The following RIMS4 variants were observed in gnomAD, a reference collection of about 807,000 sequenced individuals.
RIMS4 encodes regulating synaptic membrane exocytosis protein 4.
RIMS4 carries 9 observed loss-of-function variants against 29.0 expected under a neutral mutation model. The ratio of observed to expected loss-of-function variants is 0.31; its 90% CI spans 0.19 to 0.54. RIMS4 has a LOEUF of 0.54. RIMS4 is among the 20% of genes least tolerant of loss of function. RIMS4 has a pLI of 0.94. For synonymous variants in RIMS4, 130 were observed against 152.9 expected (o/e 0.85, Z 1.10); for missense variants, 193 against 365.7 (o/e 0.53, Z 3.85).
intron 1 of RIMS4, among the ~76,000 whole-genome samples, chr20:44,806,763 T>C (rs1482309023): frequency 1.3e-5 from 2 of 152,206 alleles, no homozygotes; most frequent in Non-Finnish European, 2.9e-5. Context: ...TTAAGTCAGA[T>C]TGCCCAAGTT....
intron 2 of RIMS4, among the ~76,000 whole-genome samples, chr20:44,765,610 G>A (rs938181540): frequency 6.6e-6 from 1 of 152,172 alleles, no homozygotes; most frequent in South Asian, 2.1e-4. Context: ...AGTAGAGGTG[G>A]GGAAGAAAAG....
chr20:44,806,504 T>C (rs2066299265), intron 1 of RIMS4, among the ~76,000 whole-genome samples: 2 of 152,220 alleles, frequency 1.3e-5, no homozygotes, highest in Admixed American at 6.5e-5. Context: ...GGCCCAGCTC[T>C]ACCTTAATAA....
chr20:44,775,702 G>C (rs534327797), intron 1 of RIMS4, among the ~76,000 whole-genome samples: 3 of 152,102 alleles, frequency 2.0e-5, no homozygotes, highest in African/African-American at 7.2e-5. Context: ...CTTCATTACT[G>C]CCTCCACACG....
intron 2 of RIMS4, among the ~76,000 whole-genome samples, chr20:44,760,938 C>T (rs1008914819): frequency 2.0e-5 from 3 of 151,904 alleles, no homozygotes; most frequent in Non-Finnish European, 2.9e-5. Context: ...GGGATGTGGG[C>T]GGCAATACAA....
chr20:44,767,901 G>A (rs1470073131), intron 2 of RIMS4, among the ~76,000 whole-genome samples: 1 of 152,198 alleles, frequency 6.6e-6, no homozygotes, highest in Non-Finnish European at 1.5e-5. Flanking sequence ...CCAGCTGGGG[G>A]TCTCATTAAA....
chr20:44,769,056 C>T (rs1386411250), intron 2 of RIMS4, among the ~76,000 whole-genome samples: 1 of 152,142 alleles, frequency 6.6e-6, no homozygotes, highest in Non-Finnish European at 1.5e-5. Flanking sequence ...AAGTAACTTC[C>T]CCAAAGCCAC....
intron 1 of RIMS4, among the ~76,000 whole-genome samples, chr20:44,798,240 A>C (rs1568906567): frequency 6.6e-6 from 1 of 152,262 alleles, no homozygotes; most frequent in Non-Finnish European, 1.5e-5. Context: ...AGCATGAGAT[A>C]CATGTATATA....
intron 1 of RIMS4, among the ~76,000 whole-genome samples, chr20:44,787,029 A>G (rs2066211506): frequency 6.6e-6 from 1 of 152,238 alleles, no homozygotes; most frequent in Non-Finnish European, 1.5e-5. Flanking sequence ...ATACAGAAAG[A>G]TAGAGAGGAT....
At chr20:44,784,073 G>A (rs1295138268) in intron 1 of RIMS4, among the ~76,000 whole-genome samples, 2 of 152,172 alleles carry the variant, frequency 1.3e-5, no homozygotes, top group Non-Finnish European at 2.9e-5. Context: ...CCCCAAGAGG[G>A]TCAAGGAGCC....
At chr20:44,786,131 T>C (rs1388665586) in intron 1 of RIMS4, among the ~76,000 whole-genome samples, 1 of 152,166 alleles carries the variant, frequency 6.6e-6, no homozygotes, top group Admixed American at 6.6e-5. Flanking sequence ...TGAGAAGAGG[T>C]AGCAGAATCC....
rs144891186 is a variant in RIMS4, at chr20:44,802,763, C to T, written c.97+7412G>A. On this transcript the variant is annotated intron_variant, in intron 1 of 5. Transcript: ENST00000372851. ...TTTTCCTTCTTCGGACCTCAGTTCC[C>T]GCACCAGATAATCTTTATCCTCTAC... Among the ~76,000 whole-genome samples, 1,217 of 152,266 alleles carry T rather than the reference C, an allele frequency of 8.0e-3. 17 individuals carry two copies. The highest frequency in any genetic ancestry group is 0.025 in the African/African-American group (1,032 of 41,550).
chr20:44,807,185 C>T (rs946113859), intron 1 of RIMS4, among the ~76,000 whole-genome samples: 3 of 152,090 alleles, frequency 2.0e-5, no homozygotes, highest in Non-Finnish European at 4.4e-5. Flanking sequence ...TCAAAGTGCA[C>T]GAGGGAAGAT....
chr20:44,766,162 C>A lies in RIMS4; in HGVS notation c.236+5113G>T, dbSNP rs967442781. On this transcript the variant is annotated intron_variant, in intron 2 of 5. Coordinates refer to ENST00000372851, the MANE Select transcript of RIMS4 (RefSeq NM_182970.4). Reference sequence around the variant, plus strand: ...CTACCCGTTCCATTCCACTTCTGCCCACGCCCAGGACAGACATTGCTAATC... The same window carrying A: ...CTACCCGTTCCATTCCACTTCTGCCAACGCCCAGGACAGACATTGCTAATC... Among the ~76,000 whole-genome samples the A allele has an allele frequency of 1.1e-4, 17 of 152,138 alleles. No individual in the cohort carries two copies. In the East Asian group the frequency reaches 3.3e-3, roughly 29 times the overall value.
intron 1 of RIMS4, among the ~76,000 whole-genome samples, chr20:44,797,921 G>A (rs948807601): frequency 6.6e-6 from 1 of 152,204 alleles, no homozygotes; most frequent in Non-Finnish European, 1.5e-5. Context: ...AGTTCAAAGA[G>A]GGGAATGACT....
At chr20:44,764,257 C>CCATCCATCCATCCATCCAT (rs1229010906) in intron 2 of RIMS4, among the ~76,000 whole-genome samples, 13 of 50,758 alleles carry the variant, frequency 2.6e-4, no homozygotes, top group African/African-American at 5.1e-4. Context: ...CATCCATCCT[C>CCATCCATCCATCCATCCAT]CCACAAACTC....
chr20:44,760,270 A>G (rs976339688), intron 2 of RIMS4, among the ~76,000 whole-genome samples: 1 of 152,216 alleles, frequency 6.6e-6, no homozygotes, highest in Admixed American at 6.5e-5. Context: ...ATCTGAAAGC[A>G]GAGGAGACTT....
chr20:44,773,752 C>A (rs2066147336), intron 1 of RIMS4, among the ~76,000 whole-genome samples: 1 of 152,220 alleles, frequency 6.6e-6, no homozygotes, highest in South Asian at 2.1e-4. Context: ...CCCAACCAGG[C>A]CCTAGGATCT....
chr20:44,806,129 C>T (rs1568909127), intron 1 of RIMS4, among the ~76,000 whole-genome samples: 1 of 152,070 alleles, frequency 6.6e-6, no homozygotes, highest in African/African-American at 2.4e-5. Context: ...CAACCTCCTC[C>T]CTGCGCTGGA....
chr20:44,802,202 G>A (rs1447055994), intron 1 of RIMS4, among the ~76,000 whole-genome samples: 2 of 152,280 alleles, frequency 1.3e-5, no homozygotes, highest in South Asian at 2.1e-4. Flanking sequence ...ACTATGTGCC[G>A]AGGGTTAAAC....
Sources: gnomAD v4.1 joint callset for allele counts (sites outside exome capture counted in the v4.1 genomes callset) on GRCh38, gnomAD v4.1.1 for gene constraint, MANE v1.5 for transcripts, NCBI Gene and HGNC (gene_info 2026-07-23, HGNC 2026-07-21) for gene names.